Variants in WBP2NL observed in about 807,000 individuals in gnomAD.
WBP2NL encodes postacrosomal sheath WW domain-binding protein.
WBP2NL carries 27 observed loss-of-function variants against 23.3 expected under a neutral mutation model. The ratio of observed to expected loss-of-function variants is 1.16; its 90% CI spans 0.85 to 1.60. WBP2NL has a LOEUF of 1.60. Among genes scored for constraint, WBP2NL ranks in the 40% most tolerant of loss-of-function variants. The pLI, the probability that WBP2NL is intolerant of heterozygous loss-of-function variation, is 0.00. For missense variants in WBP2NL, 370 were observed against 389.5 expected (o/e 0.95, Z 0.42); for synonymous variants, 151 against 145.9 (o/e 1.03, Z -0.25).
At position 42,026,736 on chromosome 22, in the gene WBP2NL, G is replaced by C. The variant is rs559734121; in HGVS notation, c.515-30G>C. On this transcript the variant is annotated intron_variant, in intron 5 of 5. Transcript: ENST00000328823. The stretch of plus-strand genomic sequence containing the variant: ...CATATTCCTTGACTTAAAGGTAACT[G>C]AATTTTTTTCCTTCCATTATAATTC... 6.9e-6 allele frequency: 11 copies of C among 1,599,756 alleles called. 1 individual carries two copies. In the South Asian group the frequency reaches 1.1e-4, roughly 16 times the overall value.
At position 42,028,111 on chromosome 22, in the gene WBP2NL, G is replaced by T; in HGVS notation, c.*930G>T. 1 of 398,420 alleles carries T rather than the reference G, an allele frequency of 2.5e-6. No individual in the cohort carries two copies. The highest frequency in any genetic ancestry group is 4.4e-6 in the Non-Finnish European group (1 of 226,004). 24.7% of individuals were successfully genotyped at this position (398,420 alleles called of 1,614,324 possible). On this transcript the variant is annotated 3_prime_UTR_variant, in exon 6 of 6. Transcript: ENST00000328823. Reference sequence around the variant, plus strand: ...GTGGGAAGATTTCATTATATTCATTGTTTCTAACAGCACAAAATTAGAAAT... The same window carrying T: ...GTGGGAAGATTTCATTATATTCATTTTTTCTAACAGCACAAAATTAGAAAT...
intron 2 of WBP2NL, 68 bp downstream of exon 2, chr22:42,019,487 T>C: frequency 6.4e-7 from 1 of 1,569,494 alleles, no homozygotes; most frequent in South Asian, 1.1e-5. Context: ...TGAAGAAAAC[T>C]TAAACATTGA....
chr22:42,009,152 T>C (rs1226875497), intron 1 of WBP2NL, among the ~76,000 whole-genome samples: 2 of 152,150 alleles, frequency 1.3e-5, no homozygotes, highest in African/African-American at 4.8e-5. Flanking sequence ...CTGACCTCAG[T>C]TGATCCACCC....
chr22:42,034,713 C>T (rs1014862508), downstream of WBP2NL, among the ~76,000 whole-genome samples: 18 of 152,198 alleles, frequency 1.2e-4, no homozygotes, highest in East Asian at 5.8e-4. Flanking sequence ...AGGTACGCCC[C>T]GGGGGGGCCA....
At chr22:42,016,127 A>C (rs1202173784) in intron 1 of WBP2NL, among the ~76,000 whole-genome samples, 1 of 152,008 alleles carries the variant, frequency 6.6e-6, no homozygotes, top group Non-Finnish European at 1.5e-5. Flanking sequence ...GATTACAGAC[A>C]CATGCCACCA....
At position 42,025,551 on chromosome 22, in the gene WBP2NL, C is replaced by A. The variant is rs1450825950; in HGVS notation, c.515-1215C>A. On this transcript the variant is annotated intron_variant, in intron 5 of 5. Coordinates refer to ENST00000328823, the MANE Select transcript of WBP2NL (RefSeq NM_152613.3). ...CTTTTACGTGCAGATATCCAGTTGT[C>A]CCAGAATCATTTTTTGAAGAGACTG... 3.3e-5 allele frequency among the ~76,000 whole-genome samples: 5 copies of A among 152,126 alleles called. No homozygotes were observed. The East Asian group carries it at 7.7e-4, about 23-fold the overall frequency.
At chr22:42,048,770 GAAA>G (rs1320736479) in intron 8 of WBP2NL, among the ~76,000 whole-genome samples, 1 of 114,492 alleles carries the variant, frequency 8.7e-6, no homozygotes, top group African/African-American at 2.6e-5. Context: ...AAAAAAAAAA[GAAA>G]AGAAAAAAAA....
chr22:42,000,923 G>C (rs1438972587), intron 1 of WBP2NL: 1 of 321,552 alleles, frequency 3.1e-6, no homozygotes, highest in East Asian at 6.1e-5. Flanking sequence ...CCACCAAAAG[G>C]TGGAGGTTGC....
At chr22:42,048,851 T>A (rs1041932622) in intron 8 of WBP2NL, among the ~76,000 whole-genome samples, 1 of 151,410 alleles carries the variant, frequency 6.6e-6, no homozygotes, top group African/African-American at 2.4e-5. Flanking sequence ...GTCCAAAAAC[T>A]AAAAACCCTA....
chr22:42,034,854 C>T (rs1439158339), downstream of WBP2NL, among the ~76,000 whole-genome samples: 4 of 152,202 alleles, frequency 2.6e-5, no homozygotes, highest in Non-Finnish European at 5.9e-5. Flanking sequence ...CCCGGCTCAC[C>T]GGTGGTCAGA....
chr22:42,008,973 G>A (rs922748877), intron 1 of WBP2NL, among the ~76,000 whole-genome samples: 9 of 152,096 alleles, frequency 5.9e-5, no homozygotes, highest in African/African-American at 2.2e-4. Context: ...TAGAGACGGG[G>A]TTTCACCGTG....
At chr22:42,040,521 G>C (rs1019558073) in intron 8 of WBP2NL, among the ~76,000 whole-genome samples, 5 of 152,128 alleles carry the variant, frequency 3.3e-5, no homozygotes, top group African/African-American at 1.2e-4. Context: ...CACCTCGCCT[G>C]ACCGAGATCT....
intron 8 of WBP2NL, among the ~76,000 whole-genome samples, chr22:42,048,287 G>C (rs1388260514): frequency 1.3e-5 from 2 of 151,304 alleles, no homozygotes; most frequent in Non-Finnish European, 2.9e-5. Flanking sequence ...GGGCGTGGTG[G>C]TGCACACCTG....
At chr22:42,024,499 T>A (rs1302373772) in intron 5 of WBP2NL, among the ~76,000 whole-genome samples, 1 of 149,906 alleles carries the variant, frequency 6.7e-6, no homozygotes, top group Non-Finnish European at 1.5e-5. Flanking sequence ...CTTATCTTCC[T>A]TTTTTTAAAA....
intron 1 of WBP2NL, among the ~76,000 whole-genome samples, chr22:42,009,978 T>A (rs1922654351): frequency 6.6e-6 from 1 of 152,246 alleles, no homozygotes; most frequent in Non-Finnish European, 1.5e-5. Flanking sequence ...TTCAATATTT[T>A]TCACTAATGT....
Position 42,026,891 on chromosome 22 carries a change from C to T in WBP2NL, c.640C>T (p.Pro214Ser), listed in dbSNP as rs777310704. The change falls in exon 6 of 6, where the codon CCT (proline) becomes TCT (serine). Residue 214 changes from proline (P) to serine (S), a missense_variant. Pro to Ser is a moderately conservative substitution (Grantham distance 74). Transcript: ENST00000328823. Reference protein sequence around the residue: ...EGPPVGYRASPVRYGAPPLGY... With the variant: ...EGPPVGYRASSVRYGAPPLGY... ...CCCGCCTGTGGGATACAGAGCCTCA[C>T]CTGTGCGATATGGAGCCCCACCTCT... 1.2e-6 allele frequency: 2 copies of T among 1,613,074 alleles called. No individual in the cohort carries two copies.
At chr22:42,040,980 A>T (rs1925380841) in intron 8 of WBP2NL, among the ~76,000 whole-genome samples, 1 of 152,152 alleles carries the variant, frequency 6.6e-6, no homozygotes, top group South Asian at 2.1e-4. Context: ...TGAATGTGCT[A>T]TCCATTATTA....
intron 1 of WBP2NL, among the ~76,000 whole-genome samples, chr22:42,018,915 GAAA>G (rs149512857): frequency 3.0e-3 from 431 of 141,590 alleles, no homozygotes; most frequent in African/African-American, 8.6e-3. Flanking sequence ...GCTTACTCTG[GAAA>G]AAAAAAAAAA....
At chr22:42,020,149 T>C in intron 4 of WBP2NL, 53 bp downstream of exon 4, 2 of 1,510,434 alleles carry the variant, frequency 1.3e-6, no homozygotes, top group Non-Finnish European at 1.8e-6. Context: ...TGTTTGTTTG[T>C]TTGGGTTTTT....
Sources: allele counts gnomAD v4.1 joint callset (sites outside exome capture counted in the v4.1 genomes callset), GRCh38; gene constraint gnomAD v4.1.1; transcripts MANE v1.5; gene names NCBI Gene and HGNC (gene_info 2026-07-23, HGNC 2026-07-21).